EYS: variants seen among roughly 807,000 people sequenced by gnomAD.
The protein encoded by EYS is EGF-like photoreceptor maintenance factor.
Under a neutral mutation model 282.1 loss-of-function variants are expected in EYS, and 250 were observed. The observed-to-expected ratio is 0.89, with a 90% confidence interval of 0.80 to 0.98. EYS has a LOEUF of 0.98. Ranked by LOEUF, EYS falls within the 50% of genes least tolerant of loss-of-function variation. The probability of loss-of-function intolerance (pLI) is 0.00; values close to 1 mark genes in which losing one functional copy is unlikely to be tolerated. For synonymous variants in EYS, 1,355 were observed against 1,282.9 expected, an observed-to-expected ratio of 1.06 and a Z score of -1.20; for missense variants, 4,016 against 3,709.0, an observed-to-expected ratio of 1.08 and a Z score of -2.15.
chr6:64,749,707 A>T (rs1772678250), intron 22 of EYS, among the ~76,000 whole-genome samples: 1 of 152,170 alleles, frequency 6.6e-6, no homozygotes, highest in South Asian at 2.1e-4. Context: ...TCAAAAACTA[A>T]AGCAGATTTG....
At position 65,402,549 on chromosome 6, in the gene EYS, T is replaced by C. The variant is rs780396364; in HGVS notation, c.1113A>G (p.Gln371=). The C allele has an allele frequency of 5.1e-6, 8 of 1,571,568 alleles. No individual in the cohort carries two copies. The Admixed American group carries it at 1.3e-4, about 26-fold the overall frequency. ...TCAAAGGAAATGACTCACATGATGT[T>C]TGAATGCTCTTACAAAGCAAATCTG... ...IFTDLLCKSI[Q]TSCESFPLRN... The change falls in exon 7 of 43, where the codon CAA becomes CAG. Residue 371 remains glutamine (Q), a synonymous_variant. Coordinates refer to ENST00000503581, the MANE Select transcript of EYS (RefSeq NM_001142800.2).
Position 64,431,365 on chromosome 6 carries a change from ACT to A in EYS, c.5927+4807_5927+4808del, listed in dbSNP as rs548228877. ...TTTTAATGTGATTACCTCTGTAATG[ACT>A]CTGTAGCTAAATAAGCACACATTCT... On this transcript the variant is annotated intron_variant, in intron 28 of 42. Coordinates refer to ENST00000503581, the MANE Select transcript of EYS (RefSeq NM_001142800.2). Among the ~76,000 whole-genome samples, 12 of 152,200 alleles carry A rather than the reference ACT, an allele frequency of 7.9e-5. No homozygotes were observed. In the South Asian group the frequency reaches 2.5e-3, roughly 32 times the overall value.
chr6:64,536,073 T>G (rs887046067), intron 26 of EYS, among the ~76,000 whole-genome samples: 1 of 152,056 alleles, frequency 6.6e-6, no homozygotes, highest in Non-Finnish European at 1.5e-5. Flanking sequence ...CAACTATATG[T>G]TATTAAACAT....
chr6:65,001,127 G>A (rs930111026), intron 13 of EYS, among the ~76,000 whole-genome samples: 10 of 119,016 alleles, frequency 8.4e-5, no homozygotes, highest in African/African-American at 1.3e-4. Context: ...CTTGCTGTCC[G>A]CAGATGGCTT....
At chr6:65,671,867 G>A (rs974697820) in intron 1 of EYS, among the ~76,000 whole-genome samples, 1 of 152,116 alleles carries the variant, frequency 6.6e-6, no homozygotes, top group African/African-American at 2.4e-5. Context: ...CAGATTTGGA[G>A]GGAACTAGCT....
intron 31 of EYS, among the ~76,000 whole-genome samples, chr6:64,222,202 T>C (rs1023962318): frequency 1.3e-5 from 2 of 152,098 alleles, no homozygotes; most frequent in African/African-American, 4.8e-5. Context: ...GACAGTTAAA[T>C]AATAAATTCT....
chr6:63,895,409 TAAAAG>T (rs372155316), intron 35 of EYS, among the ~76,000 whole-genome samples: 24 of 152,276 alleles, frequency 1.6e-4, no homozygotes, highest in Non-Finnish European at 2.4e-4. Flanking sequence ...ATTTTAGAGA[TAAAAG>T]AACTGAGAAC....
In EYS at chr6:64,732,073, A is replaced by C. The variant is rs551361859; in HGVS notation, c.3443+81305T>G. 5.3e-5 allele frequency among the ~76,000 whole-genome samples: 8 copies of C among 152,230 alleles called. No individual in the cohort carries two copies. In the East Asian group the frequency reaches 1.5e-3, roughly 29 times the overall value. On this transcript the variant is annotated intron_variant, in intron 22 of 42. Coordinates refer to ENST00000503581, the MANE Select transcript of EYS (RefSeq NM_001142800.2). ...AACTAACAGAGGAACAGAAAACCAAACACCACATGTTCTCACTCATAAGTG... is the reference window on the plus strand; with the variant it reads ...AACTAACAGAGGAACAGAAAACCAACCACCACATGTTCTCACTCATAAGTG...
At chr6:65,631,348 T>G (rs1183580004) in intron 2 of EYS, among the ~76,000 whole-genome samples, 1 of 152,154 alleles carries the variant, frequency 6.6e-6, no homozygotes, top group Non-Finnish European at 1.5e-5. Context: ...CCAAAGTACT[T>G]AATCCACTAT....
At position 64,727,386 on chromosome 6, in the gene EYS, T is replaced by C. The variant is rs141069569; in HGVS notation, c.3443+85992A>G. ...TTAGACTTTTAGTTTGTTTTATTTC[T>C]TTGCATACATATAAACCATGGGTTA... On this transcript the variant is annotated intron_variant, in intron 22 of 42. Coordinates refer to ENST00000503581, the MANE Select transcript of EYS (RefSeq NM_001142800.2). 3.9e-3 allele frequency among the ~76,000 whole-genome samples: 587 copies of C among 152,346 alleles called. 6 individuals are homozygous for C. Among genetic ancestry groups the C allele is most frequent in the African/African-American group, 0.013 (551 of 41,584 alleles).
At chr6:63,852,965 G>T (rs1459399012) in intron 36 of EYS, among the ~76,000 whole-genome samples, 1 of 152,100 alleles carries the variant, frequency 6.6e-6, no homozygotes, top group East Asian at 1.9e-4. Context: ...AATAAACTAG[G>T]TATTGATGGA....
intron 5 of EYS, among the ~76,000 whole-genome samples, chr6:65,445,668 A>G (rs1287452947): frequency 6.6e-6 from 1 of 151,818 alleles, no homozygotes; most frequent in Non-Finnish European, 1.5e-5. Flanking sequence ...CAGTCTCAAC[A>G]GTGCAGAAAT....
At chr6:64,586,892 C>G (rs150101314) in intron 26 of EYS, among the ~76,000 whole-genome samples, 35 of 152,018 alleles carry the variant, frequency 2.3e-4, no homozygotes, top group Non-Finnish European at 4.1e-4. Flanking sequence ...TCCCAAATAA[C>G]CAGTAGAAAA....
intron 35 of EYS, among the ~76,000 whole-genome samples, chr6:63,892,119 G>A (rs1342643241): frequency 6.6e-6 from 1 of 152,048 alleles, no homozygotes; most frequent in Non-Finnish European, 1.5e-5. Flanking sequence ...GCTCATGCAC[G>A]GGAATAATCA....
intron 12 of EYS, among the ~76,000 whole-genome samples, chr6:65,155,498 A>AG: frequency 6.6e-6 from 1 of 151,562 alleles, no homozygotes; most frequent in African/African-American, 2.4e-5. Flanking sequence ...TTCTTTCCAA[A>AG]GGGGGAGTTT....
intron 26 of EYS, among the ~76,000 whole-genome samples, chr6:64,491,641 C>T (rs1027873205): frequency 6.6e-6 from 1 of 150,846 alleles, no homozygotes; most frequent in African/African-American, 2.4e-5. Flanking sequence ...AAAATAAGTA[C>T]CATTATCCTC....
intron 12 of EYS, among the ~76,000 whole-genome samples, chr6:65,220,614 C>A (rs570459088): frequency 1.3e-5 from 2 of 152,144 alleles, no homozygotes; most frequent in Admixed American, 1.3e-4. Context: ...TCTTTATTAG[C>A]AGGATGAGAA....
intron 12 of EYS, among the ~76,000 whole-genome samples, chr6:65,292,700 T>C (rs2150284128): frequency 6.6e-6 from 1 of 151,790 alleles, no homozygotes; most frequent in East Asian, 1.9e-4. Flanking sequence ...CAGTGGGAGC[T>C]AGGTTCCAGC....
chr6:65,680,338 A>G (rs1197105993), intron 1 of EYS, among the ~76,000 whole-genome samples: 1 of 151,992 alleles, frequency 6.6e-6, no homozygotes, highest in Admixed American at 6.6e-5. Context: ...TCAACATTAC[A>G]TAAGATCCTG....
Sources: gnomAD v4.1 joint callset for allele counts (sites outside exome capture counted in the v4.1 genomes callset) on GRCh38, gnomAD v4.1.1 for gene constraint, MANE v1.5 for transcripts, NCBI Gene and HGNC (gene_info 2026-07-23, HGNC 2026-07-21) for gene names.